OPRM1: variants seen among roughly 807,000 people sequenced by gnomAD.
OPRM1 encodes opioid receptor mu 1, also known as mu-type opioid receptor.
In OPRM1, 27 loss-of-function variants were observed where a neutral mutation model predicts 31.8. That is an observed-to-expected ratio of 0.85 (90% CI 0.63 to 1.17). The LOEUF (loss-of-function observed/expected upper bound fraction) is 1.17, where lower values mean the gene tolerates loss of function less well. Among genes scored for constraint, OPRM1 ranks in the 50% most tolerant of loss-of-function variants. The probability of loss-of-function intolerance (pLI) is 0.00; values close to 1 mark genes in which losing one functional copy is unlikely to be tolerated. For missense variants in OPRM1, 536 were observed against 511.1 expected (o/e 1.05, Z -0.47); for synonymous variants, 196 against 189.9 (o/e 1.03, Z -0.26).
chr6:154,144,240 T>C (rs1798300984), intron 3 of OPRM1, among the ~76,000 whole-genome samples: 1 of 152,124 alleles, frequency 6.6e-6, no homozygotes, highest in South Asian at 2.1e-4. Flanking sequence ...CTACTAAACG[T>C]TTAAAGAAGA....
At chr6:154,227,777 A>C (rs1779375105) in intron 3 of OPRM1, among the ~76,000 whole-genome samples, 1 of 152,164 alleles carries the variant, frequency 6.6e-6, no homozygotes, top group African/African-American at 2.4e-5. Context: ...GTAAATCTTC[A>C]TTTGGGTGGA....
intron 3 of OPRM1, among the ~76,000 whole-genome samples, chr6:154,175,637 C>T (rs893817397): frequency 6.6e-6 from 1 of 152,268 alleles, no homozygotes; most frequent in South Asian, 2.1e-4. Flanking sequence ...AGTTGAATCT[C>T]TGAATAGACT....
chr6:154,176,364 G>A (rs1554288791), intron 3 of OPRM1, among the ~76,000 whole-genome samples: 1 of 152,182 alleles, frequency 6.6e-6, no homozygotes, highest in Non-Finnish European at 1.5e-5. Flanking sequence ...ATTCAATTAG[G>A]AAAAGAGGAG....
Position 154,097,593 on chromosome 6 carries a change from G to GTGTA in OPRM1, c.1164+6124_1164+6125insATGT, listed in dbSNP as rs1793612505. Among the ~76,000 whole-genome samples the GTGTA allele has an allele frequency of 3.3e-5, 5 of 151,862 alleles. No homozygotes were observed. The South Asian group carries it at 1.0e-3, about 32-fold the overall frequency. Reference sequence around the variant, plus strand: ...TTAAAAAGAAAATGGTTCCGTGTGTGTGTGTGTGTGTGTGTGCGTGTGATA... The same window carrying GTGTA: ...TTAAAAAGAAAATGGTTCCGTGTGTGTGTATGTGTGTGTGTGTGTGCGTGTGATA... On this transcript the variant is annotated intron_variant, in intron 3 of 3. Coordinates refer to ENST00000330432, the MANE Select transcript of OPRM1 (RefSeq NM_000914.5).
At position 154,209,279 on chromosome 6, in the gene OPRM1, T is replaced by C. The variant is rs114138052; in HGVS notation, c.1165-37414T>C. ...CAAAAACTTGGGGAAAAAAATATTT[T>C]TGCCCCTAGGCTTGTATATCTAAGT... On this transcript the variant is annotated intron_variant, in intron 3 of 3. Transcript: ENST00000337049. 7.0e-3 allele frequency among the ~76,000 whole-genome samples: 1,065 copies of C among 152,372 alleles called. 8 individuals are homozygous for C. Among genetic ancestry groups the C allele is most frequent in the African/African-American group, 0.022 (933 of 41,584 alleles).
At chr6:154,198,162 G>C (rs1776773819) in intron 3 of OPRM1, among the ~76,000 whole-genome samples, 1 of 152,118 alleles carries the variant, frequency 6.6e-6, no homozygotes, top group African/African-American at 2.4e-5. Flanking sequence ...ATTTTTTGAA[G>C]AGTTCACAAC....
At chr6:154,057,693 A>G (rs951678920) in intron 1 of OPRM1, among the ~76,000 whole-genome samples, 6 of 152,340 alleles carry the variant, frequency 3.9e-5, no homozygotes, top group South Asian at 2.1e-4. Context: ...AATTTTACAA[A>G]TAGTAAGGAT....
intron 3 of OPRM1, among the ~76,000 whole-genome samples, chr6:154,178,390 A>G (rs983259602): frequency 6.6e-6 from 1 of 152,204 alleles, no homozygotes; most frequent in Non-Finnish European, 1.5e-5. Context: ...GGCATATAAT[A>G]TATTCCCTAC....
At chr6:154,232,590 A>C (rs911459876) in intron 3 of OPRM1, among the ~76,000 whole-genome samples, 3 of 152,230 alleles carry the variant, frequency 2.0e-5, no homozygotes, top group Non-Finnish European at 4.4e-5. Context: ...AAGACTGAAG[A>C]AATTCTTCAG....
At position 154,178,619 on chromosome 6, in the gene OPRM1, T is replaced by C. The variant is rs559520866; in HGVS notation, c.1165-68074T>C. ...CTTTAAAATTAACAAACAGATAAAG[T>C]GAACCTGTTGGGGTAACCAGACATG... On this transcript the variant is annotated intron_variant, in intron 3 of 3. Transcript: ENST00000337049. Among the ~76,000 whole-genome samples the C allele has an allele frequency of 4.6e-5, 7 of 152,252 alleles. No individual in the cohort carries two copies. In the South Asian group the frequency reaches 6.2e-4, roughly 14 times the overall value.
chr6:154,212,386 T>C (rs1040196887), intron 3 of OPRM1, among the ~76,000 whole-genome samples: 14 of 152,240 alleles, frequency 9.2e-5, no homozygotes, highest in African/African-American at 3.4e-4. Flanking sequence ...TTTTTCATCC[T>C]AAATTCATTT....
intron 3 of OPRM1, among the ~76,000 whole-genome samples, chr6:154,167,029 G>A (rs903971800): frequency 9.2e-5 from 14 of 152,182 alleles, no homozygotes; most frequent in East Asian, 1.9e-4. Flanking sequence ...TAACTGGGAC[G>A]CCTAAGAGCC....
intron 1 of OPRM1, among the ~76,000 whole-genome samples, chr6:154,048,750 T>G (rs1781641261): frequency 1.3e-5 from 2 of 152,242 alleles, no homozygotes; most frequent in Admixed American, 6.5e-5. Flanking sequence ...TAGATACATA[T>G]TAGCAAATCA....
intron 3 of OPRM1, among the ~76,000 whole-genome samples, chr6:154,166,770 G>T (rs1285908506): frequency 6.6e-6 from 1 of 152,032 alleles, no homozygotes; most frequent in Non-Finnish European, 1.5e-5. Context: ...AGCTATCACA[G>T]ACAAAGAAGA....
chr6:154,235,608 G>A lies in OPRM1; in HGVS notation c.1165-11085G>A, dbSNP rs542926740. ...CACAGTCAGTACAACACATAATCTT[G>A]CCTTCCTGCAATGTGAAGTTATCAA... On this transcript the variant is annotated intron_variant, in intron 3 of 3. Coordinates refer to the OPRM1 transcript ENST00000337049. Among the ~76,000 whole-genome samples, 25 of 150,444 alleles carry A rather than the reference G, an allele frequency of 1.7e-4. No homozygotes were observed. In the South Asian group the frequency reaches 5.3e-3, roughly 32 times the overall value.
chr6:154,187,267 C>T (rs1248940798), intron 3 of OPRM1, among the ~76,000 whole-genome samples: 1 of 152,188 alleles, frequency 6.6e-6, no homozygotes, highest in Admixed American at 6.5e-5. Flanking sequence ...TCCAGTCTCT[C>T]TCTAACCCCC....
At chr6:154,019,573 C>T (rs1238986469) in intron 1 of OPRM1, among the ~76,000 whole-genome samples, 1 of 152,028 alleles carries the variant, frequency 6.6e-6, no homozygotes, top group Non-Finnish European at 1.5e-5. Context: ...CCTCCAATCT[C>T]TCACAACCAT....
rs1338640304 is a variant in OPRM1 at position 154,127,600 on chromosome 6, TGGG to T, written c.*8880_*8882del. Among the ~76,000 whole-genome samples the T allele has an allele frequency of 6.6e-6, 1 of 152,204 alleles. No individual in the cohort carries two copies. The highest frequency in any genetic ancestry group is 1.5e-5 in the Non-Finnish European group (1 of 68,032). ...CTGTGCTCATGACTTGACATTGTGG[TGGG>T]CCGGCTACAACCCTCCCCACCCCTC... On this transcript the variant is annotated 3_prime_UTR_variant, in exon 4 of 4. Coordinates refer to ENST00000330432, the MANE Select transcript of OPRM1 (RefSeq NM_000914.5).
chr6:154,223,107 G>T, intron 3 of OPRM1: 1 of 1,268,646 alleles, frequency 7.9e-7, no homozygotes, highest in Non-Finnish European at 1.2e-6. Context: ...ATATCCCTTG[G>T]TGAACATTAT....
Sources: gnomAD v4.1 joint callset for allele counts (sites outside exome capture counted in the v4.1 genomes callset) on GRCh38, gnomAD v4.1.1 for gene constraint, MANE v1.5 for transcripts, NCBI Gene and HGNC (gene_info 2026-07-23, HGNC 2026-07-21) for gene names.